MEGF11: variants seen among roughly 807,000 people sequenced by gnomAD.
MEGF11 encodes the protein multiple EGF like domains 11.
Under a neutral mutation model 146.6 loss-of-function variants are expected in MEGF11, and 126 were observed. The ratio of observed to expected loss-of-function variants is 0.86; its 90% CI spans 0.74 to 1.00. The LOEUF (loss-of-function observed/expected upper bound fraction) is 1.00, where lower values mean the gene tolerates loss of function less well. Among genes scored for constraint, MEGF11 ranks in the 50% least tolerant of loss-of-function variants. The probability of loss-of-function intolerance (pLI) is 0.00; values close to 1 mark genes in which losing one functional copy is unlikely to be tolerated. For missense variants in MEGF11, 1,509 were observed against 1,521.2 expected, an observed-to-expected ratio of 0.99 and a Z score of 0.13; for synonymous variants, 532 against 583.4, an observed-to-expected ratio of 0.91 and a Z score of 1.27.
intron 4 of MEGF11, among the ~76,000 whole-genome samples, chr15:66,100,937 C>T (rs62011848): frequency 1.5e-5 from 2 of 133,646 alleles, no homozygotes; most frequent in Non-Finnish European, 3.1e-5. Context: ...GGTGAGCAAG[C>T]GTGTGAGCCA....
intron 1 of MEGF11, among the ~76,000 whole-genome samples, chr15:66,147,147 C>T (rs1567263282): frequency 6.6e-6 from 1 of 152,192 alleles, no homozygotes; most frequent in Non-Finnish European, 1.5e-5. Flanking sequence ...CTCCAAAGCC[C>T]CAGTCTAACT....
intron 24 of MEGF11, 36 bp from the exon 25 acceptor site, chr15:65,898,970 A>G (rs757384727): frequency 2.5e-6 from 4 of 1,605,352 alleles, no homozygotes; most frequent in Middle Eastern, 3.3e-4. Context: ...GACAAGCAAG[A>G]ATACAAGTCT....
chr15:66,020,425 G>A (rs1423782976), intron 5 of MEGF11, among the ~76,000 whole-genome samples: 2 of 152,208 alleles, frequency 1.3e-5, no homozygotes, highest in Non-Finnish European at 2.9e-5. Context: ...AGCCCCTGGT[G>A]TGGCTGGGCC....
At chr15:66,146,387 T>A (rs560571615) in intron 1 of MEGF11, among the ~76,000 whole-genome samples, 1 of 152,328 alleles carries the variant, frequency 6.6e-6, no homozygotes, top group East Asian at 1.9e-4. Flanking sequence ...GACAACAGTG[T>A]CAGCAGACTA....
At chr15:65,959,795 G>T (rs796894603) in intron 9 of MEGF11, among the ~76,000 whole-genome samples, 13 of 152,278 alleles carry the variant, frequency 8.5e-5, no homozygotes, top group African/African-American at 2.4e-4. Context: ...CTGTGAATTA[G>T]GTATTTGAGC....
chr15:65,919,115 T>G (rs994255417), intron 15 of MEGF11, among the ~76,000 whole-genome samples: 1 of 152,228 alleles, frequency 6.6e-6, no homozygotes, highest in Non-Finnish European at 1.5e-5. Flanking sequence ...TGCCTCATAT[T>G]GGTAGTTCTT....
intron 13 of MEGF11, among the ~76,000 whole-genome samples, chr15:65,927,432 T>A (rs1214927114): frequency 6.6e-6 from 1 of 152,176 alleles, no homozygotes; most frequent in African/African-American, 2.4e-5. Flanking sequence ...GATGCCTCCA[T>A]ATAGCTGATG....
At chr15:66,073,274 G>GC (rs985327659) in intron 5 of MEGF11, among the ~76,000 whole-genome samples, 11 of 152,120 alleles carry the variant, frequency 7.2e-5, no homozygotes, top group Non-Finnish European at 1.0e-4. Context: ...GCAGAATCAC[G>GC]CCCCCCTTCT....
chr15:65,989,031 A>G (rs955491721), intron 5 of MEGF11, among the ~76,000 whole-genome samples: 1 of 149,650 alleles, frequency 6.7e-6, no homozygotes, highest in Non-Finnish European at 1.5e-5. Flanking sequence ...TTTAAGAAAC[A>G]CTCTTGCTTG....
At chr15:65,924,772 T>C (rs375177977) in intron 13 of MEGF11, among the ~76,000 whole-genome samples, 1 of 152,034 alleles carries the variant, frequency 6.6e-6, no homozygotes, top group Non-Finnish European at 1.5e-5. Context: ...ATTACAGGTA[T>C]AAGCCACCAC....
intron 1 of MEGF11, among the ~76,000 whole-genome samples, chr15:66,226,159 GC>G (rs1362108485): frequency 6.6e-6 from 1 of 152,078 alleles, no homozygotes; most frequent in Non-Finnish European, 1.5e-5. Flanking sequence ...CGCTGTAGAC[GC>G]CCCCTGCCCA....
At chr15:66,189,608 G>A (rs2141183940) in intron 1 of MEGF11, among the ~76,000 whole-genome samples, 1 of 152,240 alleles carries the variant, frequency 6.6e-6, no homozygotes. Flanking sequence ...GCAGGAGAGG[G>A]CACCACTGGA....
At chr15:66,134,620 G>T (rs1024258203) in intron 1 of MEGF11, among the ~76,000 whole-genome samples, 1 of 152,208 alleles carries the variant, frequency 6.6e-6, no homozygotes, top group Admixed American at 6.5e-5. Context: ...AGCCTCCCAG[G>T]GCCCTTCAGC....
chr15:65,975,282 GCCA>G (rs1250110231), intron 7 of MEGF11, among the ~76,000 whole-genome samples: 1 of 152,218 alleles, frequency 6.6e-6, no homozygotes, highest in Non-Finnish European at 1.5e-5. Context: ...GCAGGCTCAT[GCCA>G]CCACATCTGG....
intron 5 of MEGF11, among the ~76,000 whole-genome samples, chr15:66,074,644 T>A (rs539843096): frequency 1.7e-3 from 252 of 152,362 alleles, no homozygotes; most frequent in Non-Finnish European, 2.5e-3. Context: ...GAAATGAATT[T>A]ATGAATCTAG....
At chr15:66,089,262 C>G (rs1247448174) in intron 5 of MEGF11, among the ~76,000 whole-genome samples, 2 of 152,208 alleles carry the variant, frequency 1.3e-5, no homozygotes, top group Non-Finnish European at 2.9e-5. Context: ...TCACTCAGGC[C>G]TCTCTGTAGT....
chr15:66,115,063 C>T (rs1311026984), intron 4 of MEGF11, among the ~76,000 whole-genome samples: 1 of 152,214 alleles, frequency 6.6e-6, no homozygotes, highest in Non-Finnish European at 1.5e-5. Context: ...GCTTTCACGC[C>T]CGGGCCTGCT....
At chr15:66,058,912 C>T (rs967274598) in intron 5 of MEGF11, among the ~76,000 whole-genome samples, 2 of 152,148 alleles carry the variant, frequency 1.3e-5, no homozygotes, top group Non-Finnish European at 2.9e-5. Flanking sequence ...CTGTAGTGCC[C>T]TGAGTCTCCC....
chr15:66,005,349 G>C (rs1166568997), intron 5 of MEGF11, among the ~76,000 whole-genome samples: 1 of 152,172 alleles, frequency 6.6e-6, no homozygotes, highest in Non-Finnish European at 1.5e-5. Flanking sequence ...TTACAACAGT[G>C]AGTCTCTGAT....
Sources: gnomAD v4.1 joint callset for allele counts (sites outside exome capture counted in the v4.1 genomes callset) on GRCh38, gnomAD v4.1.1 for gene constraint, MANE v1.5 for transcripts, NCBI Gene and HGNC (gene_info 2026-07-23, HGNC 2026-07-21) for gene names.